NDUFA10: variants seen among roughly 807,000 people sequenced by gnomAD.
The protein encoded by NDUFA10 is NADH dehydrogenase [ubiquinone] 1 alpha subcomplex subunit 10, mitochondrial.
Under a neutral mutation model 47.8 loss-of-function variants are expected in NDUFA10, and 40 were observed. That is an observed-to-expected ratio of 0.84 (90% CI 0.65 to 1.09). The LOEUF is 1.09. Ranked by LOEUF, NDUFA10 falls within the 50% of genes least tolerant of loss-of-function variation. The pLI, the probability that NDUFA10 is intolerant of heterozygous loss-of-function variation, is 0.00. For missense variants in NDUFA10, 413 were observed against 451.1 expected, an observed-to-expected ratio of 0.92 and a Z score of 0.76; for synonymous variants, 183 against 172.2, an observed-to-expected ratio of 1.06 and a Z score of -0.49.
chr2:239,971,244 A>G (rs1695293833), intron 9 of NDUFA10, among the ~76,000 whole-genome samples: 1 of 152,346 alleles, frequency 6.6e-6, no homozygotes, highest in Non-Finnish European at 1.5e-5. Context: ...GAGAAAGCCA[A>G]AGAAACCTCC....
chr2:240,018,271 G>A, intron 4 of NDUFA10: 1 of 775,378 alleles, frequency 1.3e-6, no homozygotes, highest in South Asian at 1.8e-5. Flanking sequence ...GTTCTAACGG[G>A]AGGCTGTGGG....
chr2:239,912,619 C>T (rs1425608582), intron 4 of NDUFA10, among the ~76,000 whole-genome samples: 3 of 152,232 alleles, frequency 2.0e-5, no homozygotes, highest in African/African-American at 4.8e-5. Context: ...GTCTGTTGCT[C>T]GTAGGCTGGA....
At chr2:240,025,166 C>CCCACCCCGCCACCCCG in intron 1 of NDUFA10, 61 bp downstream of exon 1, 1 of 540,180 alleles carries the variant, frequency 1.9e-6, no homozygotes, top group Non-Finnish European at 3.2e-6. Flanking sequence ...GGAACTGCTC[C>CCCACCCCGCCACCCCG]CCACCCCGCC....
At chr2:239,991,588 A>G (rs1039899204) in intron 8 of NDUFA10, among the ~76,000 whole-genome samples, 6 of 152,250 alleles carry the variant, frequency 3.9e-5, no homozygotes, top group Non-Finnish European at 7.3e-5. Context: ...TTGTAAGACT[A>G]CAAGTTCCCT....
At chr2:239,970,085 G>T (rs1290286326) in intron 9 of NDUFA10, among the ~76,000 whole-genome samples, 2 of 152,156 alleles carry the variant, frequency 1.3e-5, no homozygotes, top group Non-Finnish European at 2.9e-5. Context: ...CCACGCAGAT[G>T]CATGCCATAA....
rs369666611 is a variant in NDUFA10, at chr2:239,975,354, A to C, written c.1000-14168T>G. Among the ~76,000 whole-genome samples the C allele has an allele frequency of 2.1e-4, 32 of 152,342 alleles. 1 individual carries two copies. Among genetic ancestry groups the C allele is most frequent in the East Asian group, 9.7e-4 (5 of 5,178 alleles). On this transcript the variant is annotated intron_variant, in intron 9 of 9. Coordinates refer to ENST00000252711, the MANE Select transcript of NDUFA10 (RefSeq NM_004544.4). ...ATAAATTATCCAGTCTCAGACATTT[A>C]TTTATAGCAATGCGAGAACAGCCTA...
At chr2:240,018,732 A>G in intron 3 of NDUFA10, 93 bp from the exon 4 acceptor site, 2 of 1,285,694 alleles carry the variant, frequency 1.6e-6, no homozygotes, top group Non-Finnish European at 2.2e-6. Flanking sequence ...GAAAATAACA[A>G]TCATTTACAA....
At chr2:240,022,647 G>T (rs1372412878) in intron 1 of NDUFA10, among the ~76,000 whole-genome samples, 3 of 151,808 alleles carry the variant, frequency 2.0e-5, no homozygotes, top group Non-Finnish European at 2.9e-5. Context: ...GGGAGGGAGG[G>T]GTGGATGGAT....
intron 4 of NDUFA10, among the ~76,000 whole-genome samples, chr2:239,909,066 C>G (rs564666427): frequency 5.4e-4 from 82 of 152,268 alleles, no homozygotes; most frequent in Non-Finnish European, 1.0e-3. Context: ...CTCGTGTCAC[C>G]CCACTGCCTC....
intron 4 of NDUFA10, among the ~76,000 whole-genome samples, chr2:239,930,226 AG>A (rs1257020373): frequency 8.2e-6 from 1 of 122,168 alleles, no homozygotes; most frequent in Non-Finnish European, 1.8e-5. Flanking sequence ...CTCCTCAGCC[AG>A]CCCTGCTTCT....
At chr2:240,008,606 G>T (rs1331764707) in intron 6 of NDUFA10, among the ~76,000 whole-genome samples, 8 of 152,214 alleles carry the variant, frequency 5.3e-5, no homozygotes, top group African/African-American at 1.7e-4. Context: ...AACATTATTT[G>T]TTCTCACACA....
At chr2:239,979,366 T>A (rs1397707013) in intron 9 of NDUFA10, among the ~76,000 whole-genome samples, 1 of 148,052 alleles carries the variant, frequency 6.8e-6, no homozygotes, top group Non-Finnish European at 1.5e-5. Flanking sequence ...CACACACAAC[T>A]CTGCAGGAGA....
chr2:240,021,992 C>G, intron 2 of NDUFA10, among the ~76,000 whole-genome samples, 180 bp downstream of exon 2: 1 of 152,232 alleles, frequency 6.6e-6, no homozygotes, highest in Middle Eastern at 3.4e-3. Flanking sequence ...TTAAAAACAG[C>G]TTTTTCTTGT....
chr2:239,969,833 A>T lies in NDUFA10; in HGVS notation c.1000-8647T>A, dbSNP rs80331555. On this transcript the variant is annotated intron_variant, in intron 9 of 9. Coordinates refer to ENST00000252711, the MANE Select transcript of NDUFA10 (RefSeq NM_004544.4). ...AGATAAGTGAGCTTGAAGGCAGAGC[A>T]GCAGAAACTATCCAAAATTAGGCAC... 3,501 of 464,140 alleles carry T rather than the reference A, an allele frequency of 7.5e-3. 113 individuals carry two copies. Among genetic ancestry groups the T allele is most frequent in the African/African-American group, 0.062 (3,121 of 49,938 alleles). The allele number at this position is 464,140 out of a possible 1,614,324, so 28.8% of individuals were successfully genotyped here. A position where few individuals can be genotyped will look rare whatever the true frequency, so the allele number is the denominator to read the frequency against.
chr2:239,950,038 TG>T (rs1473699972), intron 4 of NDUFA10, among the ~76,000 whole-genome samples: 3 of 152,022 alleles, frequency 2.0e-5, no homozygotes, highest in Non-Finnish European at 4.4e-5. Flanking sequence ...ACGTACATAA[TG>T]GGAGAAAAAT....
At chr2:239,925,010 A>T (rs772628863) in intron 4 of NDUFA10, among the ~76,000 whole-genome samples, 56 of 152,176 alleles carry the variant, frequency 3.7e-4, no homozygotes, top group Non-Finnish European at 3.5e-4. Context: ...CATGTGCAGG[A>T]TCTGTATGTT....
At position 240,021,279 on chromosome 2, in the gene NDUFA10, G is replaced by C; in HGVS notation, c.378C>G (p.Gly126=). 6.2e-7 allele frequency: 1 copy of C among 1,614,228 alleles called. No individual in the cohort carries two copies. Among genetic ancestry groups the C allele is most frequent in the Non-Finnish European group, 8.5e-7 (1 of 1,180,038 alleles). ...KFYDDPRSND[G]NSYRLQSWLY... ...ACCAGGACTGCAGGCGGTAACTGTT[G>C]CCATCATTGCTTCTCGGATCATCGT... The change falls in exon 3 of 10, where the codon GGC becomes GGG. Residue 126 remains glycine (G), a synonymous_variant. Transcript: ENST00000252711.
intron 4 of NDUFA10, among the ~76,000 whole-genome samples, chr2:239,942,524 A>C (rs371215599): frequency 6.6e-6 from 1 of 152,214 alleles, no homozygotes; most frequent in Non-Finnish European, 1.5e-5. Flanking sequence ...GAGGTCTGAC[A>C]TCTTATTTTC....
chr2:239,912,067 C>T (rs1327164023), intron 4 of NDUFA10, among the ~76,000 whole-genome samples: 2 of 152,176 alleles, frequency 1.3e-5, no homozygotes, highest in South Asian at 4.1e-4. Flanking sequence ...GTACACCCCT[C>T]GTGCCCACAG....
Sources: gnomAD v4.1 joint callset for allele counts (sites outside exome capture counted in the v4.1 genomes callset) on GRCh38, gnomAD v4.1.1 for gene constraint, MANE v1.5 for transcripts, NCBI Gene and HGNC (gene_info 2026-07-23, HGNC 2026-07-21) for gene names.